RGS3: variants seen among roughly 807,000 people sequenced by gnomAD.
The protein encoded by RGS3 is regulator of G protein signaling 3.
In RGS3, 80 loss-of-function variants were observed where a neutral mutation model predicts 132.6. The ratio of observed to expected loss-of-function variants is 0.60; its 90% CI spans 0.50 to 0.73. The LOEUF (loss-of-function observed/expected upper bound fraction) is 0.73. Ranked by LOEUF, RGS3 falls within the 30% of genes least tolerant of loss-of-function variation. RGS3 has a pLI of 0.00. For synonymous variants in RGS3, 598 were observed against 620.6 expected, an observed-to-expected ratio of 0.96 and a Z score of 0.54; for missense variants, 1,382 against 1,530.8, an observed-to-expected ratio of 0.90 and a Z score of 1.62.
intron 1 of RGS3, among the ~76,000 whole-genome samples, chr9:113,449,058 A>G (rs1265141859): frequency 6.6e-6 from 1 of 152,206 alleles, no homozygotes; most frequent in African/African-American, 2.4e-5. Context: ...CTCGACTCTG[A>G]TAGCCAATGG....
intron 5 of RGS3, 47 bp from the exon 4 acceptor site, chr9:113,484,091 G>A (rs1433989786): frequency 2.6e-6 from 3 of 1,166,252 alleles, no homozygotes; most frequent in African/African-American, 1.5e-5. Context: ...CTGGGCTTAG[G>A]TGGGCCATGA....
At chr9:113,586,125 A>G (rs752437020) in intron 20 of RGS3, among the ~76,000 whole-genome samples, 2 of 152,210 alleles carry the variant, frequency 1.3e-5, no homozygotes, top group East Asian at 3.9e-4. Context: ...AAGTTTGAAT[A>G]TCACCATCTT....
intron 17 of RGS3, 109 bp downstream of exon 15, chr9:113,523,150 G>A (rs1247767982): frequency 6.9e-6 from 5 of 723,308 alleles, no homozygotes; most frequent in Non-Finnish European, 1.2e-5. Flanking sequence ...GCACTGGAGT[G>A]TGTGCTGCTG....
chr9:113,558,497 C>A (rs1833658997), intron 19 of RGS3, among the ~76,000 whole-genome samples: 1 of 152,002 alleles, frequency 6.6e-6, no homozygotes, highest in South Asian at 2.1e-4. Flanking sequence ...GAGTGAAACT[C>A]CTTCCTAAAG....
At chr9:113,571,995 C>T (rs1391398951) in intron 19 of RGS3, among the ~76,000 whole-genome samples, 3 of 152,124 alleles carry the variant, frequency 2.0e-5, no homozygotes, top group African/African-American at 4.8e-5. Context: ...AGGGGCAATA[C>T]GTGGGTGGGT....
rs138273258 is a variant in RGS3 at position 113,501,307 on chromosome 9, C to G, written c.897+3227C>G. 202 of 876,154 alleles carry G rather than the reference C, an allele frequency of 2.3e-4. 1 individual carries two copies. The African/African-American group carries it at 2.5e-3, about 11-fold the overall frequency. 54.3% of individuals were successfully genotyped at this position (876,154 alleles called of 1,614,324 possible). ...CAAAGGCGCCCTCTCCCCGCCGGGC[C>G]CGGGGAATACTAACTAGTTGACAGG... On this transcript the variant is annotated intron_variant, in intron 10 of 24. Coordinates refer to ENST00000350696, the Ensembl canonical transcript of RGS3.
chr9:113,463,822 G>A lies in RGS3; in HGVS notation c.415+1621G>A, dbSNP rs757609220. The A allele has an allele frequency of 6.2e-7, 1 of 1,612,746 alleles. No homozygotes were observed. Among genetic ancestry groups the A allele is most frequent in the South Asian group, 1.1e-5 (1 of 90,988 alleles). The stretch of plus-strand genomic sequence containing the variant: ...GACGCCATGGAGCGCTCCCTGCACC[G>A]CGTCTCCCTCGGGAGCCGGCGTGCC... On this transcript the variant is annotated intron_variant, in intron 3 of 24. Transcript: ENST00000350696. This position sits in a 1 kb window ranked among gnomAD's most constrained non-coding sequence, Gnocchi z 4.6.
intron 17 of RGS3, 30 bp from the exon 16 acceptor site, chr9:113,529,191 A>G: frequency 1.3e-6 from 2 of 1,591,092 alleles, no homozygotes; most frequent in Non-Finnish European, 1.7e-6. Flanking sequence ...TCCAGTTCTA[A>G]TGCAAATCTT....
intron 19 of RGS3, among the ~76,000 whole-genome samples, chr9:113,548,570 G>A (rs947484397): frequency 6.6e-6 from 1 of 152,204 alleles, no homozygotes; most frequent in East Asian, 1.9e-4. Flanking sequence ...CGGGAGCTGG[G>A]TGGGGAGGCC....
intron 10 of RGS3, among the ~76,000 whole-genome samples, chr9:113,498,790 G>A (rs567812620): frequency 3.2e-4 from 48 of 151,998 alleles, no homozygotes; most frequent in African/African-American, 9.9e-4. Flanking sequence ...GGTGCTGGGC[G>A]TCTGTAGTCC....
At chr9:113,449,390 T>C (rs1202263914) in intron 1 of RGS3, among the ~76,000 whole-genome samples, 9 of 152,188 alleles carry the variant, frequency 5.9e-5, no homozygotes, top group South Asian at 2.1e-4. Flanking sequence ...TAAGGAAAGA[T>C]AGAGATCATT....
chr9:113,560,156 C>A (rs1360760951), intron 19 of RGS3, among the ~76,000 whole-genome samples: 1 of 152,138 alleles, frequency 6.6e-6, no homozygotes, highest in Non-Finnish European at 1.5e-5. Context: ...AGTGAGAGGG[C>A]CTGAAGGGGC....
intron 8 of RGS3, among the ~76,000 whole-genome samples, chr9:113,496,172 A>T (rs1252815817): frequency 1.3e-5 from 2 of 152,176 alleles, no homozygotes; most frequent in East Asian, 3.9e-4. Flanking sequence ...CCTGCCCCAG[A>T]AGATGAGGGC....
intron 15 of RGS3, among the ~76,000 whole-genome samples, chr9:113,516,163 T>C (rs1239132055): frequency 6.6e-6 from 1 of 152,210 alleles, no homozygotes; most frequent in East Asian, 1.9e-4. Context: ...CTGGTCTCCC[T>C]GGCATCCCAG....
intron 16 of RGS3, among the ~76,000 whole-genome samples, chr9:113,520,562 T>C (rs1290140105): frequency 1.3e-5 from 2 of 150,850 alleles, no homozygotes; most frequent in African/African-American, 4.9e-5. Flanking sequence ...TTTTTTTTTT[T>C]TTAAACTTTC....
Position 113,591,580 on chromosome 9 carries a change from G to A in RGS3, c.3080+183G>A, listed in dbSNP as rs890595932. 6.2e-5 allele frequency: 37 copies of A among 595,326 alleles called. No individual in the cohort carries two copies. The highest frequency in any genetic ancestry group is 1.1e-4 in the Non-Finnish European group (36 of 331,226). The allele number at this position is 595,326 out of a possible 1,614,324, so 36.9% of individuals were successfully genotyped here. On this transcript the variant is annotated intron_variant, in intron 21 of 24. Coordinates refer to ENST00000350696, the Ensembl canonical transcript of RGS3. The surrounding 1 kb of genome is among the most constrained non-coding windows in gnomAD (Gnocchi z 4.4). ...AGTGACCCCAAAGTGGGGTCACCTG[G>A]GTCCTGAGCATTCTCTCCAAGTGAG...
At chr9:113,493,491 AGG>A (rs1436499105) in intron 7 of RGS3, among the ~76,000 whole-genome samples, 2 of 152,200 alleles carry the variant, frequency 1.3e-5, no homozygotes, top group Non-Finnish European at 2.9e-5. Context: ...ATGGGTTTGC[AGG>A]CAGGTGGACC....
chr9:113,529,888 A>G (rs2118537971), intron 18 of RGS3, among the ~76,000 whole-genome samples: 1 of 152,354 alleles, frequency 6.6e-6, no homozygotes, highest in Non-Finnish European at 1.5e-5. Flanking sequence ...TCTGGCAAGT[A>G]ACTTATTACT....
chr9:113,550,780 A>T (rs1042974288), intron 19 of RGS3, among the ~76,000 whole-genome samples: 1 of 152,208 alleles, frequency 6.6e-6, no homozygotes, highest in Non-Finnish European at 1.5e-5. Flanking sequence ...TCTTTTGGGA[A>T]TAGCCTGTTC....
Sources: gnomAD v4.1 joint callset for allele counts (sites outside exome capture counted in the v4.1 genomes callset) on GRCh38, gnomAD v4.1.1 for gene constraint, Gnocchi (gnomAD v3.1) non-coding constraint, MANE v1.5 for transcripts, NCBI Gene and HGNC (gene_info 2026-07-23, HGNC 2026-07-21) for gene names.